Variants in MAGI1 observed in about 807,000 individuals in gnomAD.
MAGI1 encodes the protein membrane-associated guanylate kinase, WW and PDZ domain-containing protein 1.
A neutral mutation model predicts 139.9 loss-of-function variants in MAGI1; 58 were observed. The ratio of observed to expected loss-of-function variants is 0.41; its 90% CI spans 0.34 to 0.52. The LOEUF is 0.52. Ranked by LOEUF, MAGI1 falls within the 20% of genes least tolerant of loss-of-function variation. The pLI, the probability that MAGI1 is intolerant of heterozygous loss-of-function variation, is 0.12. For missense variants in MAGI1, 1,874 were observed against 1,901.6 expected (o/e 0.99, Z 0.27); for synonymous variants, 812 against 737.9 (o/e 1.10, Z -1.63).
chr3:65,796,106 G>A (rs1019362864), intron 1 of MAGI1, among the ~76,000 whole-genome samples: 4 of 151,688 alleles, frequency 2.6e-5, no homozygotes, highest in Non-Finnish European at 5.9e-5. Context: ...TCACAGGACT[G>A]CGGAGGATGG....
At chr3:65,436,900 G>C (rs944931589) in intron 10 of MAGI1, among the ~76,000 whole-genome samples, 12 of 152,050 alleles carry the variant, frequency 7.9e-5, no homozygotes, top group African/African-American at 2.7e-4. Context: ...ATTGAGAAAC[G>C]TTGGTTTGAA....
chr3:65,579,189 T>A (rs1036319652), intron 2 of MAGI1, among the ~76,000 whole-genome samples: 1 of 152,022 alleles, frequency 6.6e-6, no homozygotes, highest in African/African-American at 2.4e-5. Context: ...TACCAGCTCA[T>A]CCCAAGTATT....
At chr3:65,710,903 A>G (rs1377593817) in intron 1 of MAGI1, among the ~76,000 whole-genome samples, 1 of 151,874 alleles carries the variant, frequency 6.6e-6, no homozygotes, top group African/African-American at 2.4e-5. Flanking sequence ...CATTTCTCCA[A>G]CTGTTCCTTT....
chr3:65,688,276 T>G (rs1318396636), intron 1 of MAGI1: 1 of 844,550 alleles, frequency 1.2e-6, no homozygotes, highest in Non-Finnish European at 2.0e-6. Flanking sequence ...CATGGTGGCT[T>G]TAGGAAGATC....
intron 1 of MAGI1, among the ~76,000 whole-genome samples, chr3:65,622,485 C>T (rs568100050): frequency 1.3e-5 from 2 of 152,274 alleles, no homozygotes; most frequent in South Asian, 4.1e-4. Context: ...ACCAGGGATT[C>T]GAATGGTAGG....
At chr3:65,576,192 G>A (rs1214497362) in intron 2 of MAGI1, among the ~76,000 whole-genome samples, 4 of 152,030 alleles carry the variant, frequency 2.6e-5, no homozygotes, top group East Asian at 1.9e-4. Context: ...CATTTTTAGC[G>A]GTTTTCTGTT....
chr3:65,556,466 C>T, intron 2 of MAGI1, among the ~76,000 whole-genome samples: 1 of 152,246 alleles, frequency 6.6e-6, no homozygotes, highest in South Asian at 2.1e-4. Flanking sequence ...ATTTCATAAG[C>T]CTGGTCCGCT....
intron 1 of MAGI1, among the ~76,000 whole-genome samples, chr3:65,941,603 C>T (rs2063318476): frequency 6.6e-6 from 1 of 151,342 alleles, no homozygotes; most frequent in African/African-American, 2.4e-5. Flanking sequence ...GGGACAACAT[C>T]CCCACCCCCA....
chr3:65,435,456 C>G (rs2107376839), intron 10 of MAGI1, among the ~76,000 whole-genome samples: 1 of 138,060 alleles, frequency 7.2e-6, no homozygotes, highest in Non-Finnish European at 1.6e-5. Context: ...GTTGGCTATT[C>G]TATATGTATA....
At chr3:65,597,909 TAAAG>T (rs1390530223) in intron 2 of MAGI1, 7 of 397,502 alleles carry the variant, frequency 1.8e-5, no homozygotes, top group African/African-American at 5.4e-5. Flanking sequence ...GCAGCGGCTG[TAAAG>T]AGAGGCGGGG....
intron 1 of MAGI1, among the ~76,000 whole-genome samples, chr3:65,734,044 A>G (rs1421666636): frequency 6.6e-6 from 1 of 152,208 alleles, no homozygotes; most frequent in African/African-American, 2.4e-5. Context: ...TCTGAGGTCC[A>G]TTTATCTTTC....
chr3:65,759,640 G>T (rs775973852), intron 1 of MAGI1, among the ~76,000 whole-genome samples: 1 of 152,184 alleles, frequency 6.6e-6, no homozygotes, highest in Non-Finnish European at 1.5e-5. Context: ...CGAACAAACA[G>T]AAGTCTTGAA....
At chr3:65,377,658 T>G (rs1003142923) in intron 17 of MAGI1, among the ~76,000 whole-genome samples, 3 of 152,234 alleles carry the variant, frequency 2.0e-5, no homozygotes, top group African/African-American at 7.2e-5. Flanking sequence ...CTTCTCTTTA[T>G]TTTTATATTA....
intron 1 of MAGI1, among the ~76,000 whole-genome samples, chr3:65,672,873 G>C (rs944208729): frequency 6.6e-6 from 1 of 152,184 alleles, no homozygotes; most frequent in Non-Finnish European, 1.5e-5. Flanking sequence ...AATTCTTTAT[G>C]AGTATAAAAT....
At chr3:65,371,501 A>T (rs1459748052) in intron 18 of MAGI1, among the ~76,000 whole-genome samples, 2 of 152,184 alleles carry the variant, frequency 1.3e-5, no homozygotes, top group Non-Finnish European at 2.9e-5. Context: ...CTTGATGTTG[A>T]TGCCTGCTGA....
In MAGI1 at chr3:65,982,180, TC is replaced by T. The variant is rs1295270478; in HGVS notation, c.313+55815del. On this transcript the variant is annotated intron_variant, in intron 1 of 22. Transcript: ENST00000402939. ...AAGTGCCTGCACCTCTTGGTCGAGT[TC>T]CCTGAGCATCGGCCCTCTCCTGTGG... Among the ~76,000 whole-genome samples, 6 of 152,340 alleles carry T rather than the reference TC, an allele frequency of 3.9e-5. No homozygotes were observed. The South Asian group carries it at 1.2e-3, about 32-fold the overall frequency.
chr3:65,379,431 C>A lies in MAGI1; in HGVS notation c.2825G>T (p.Ser942Ile). Residue 942 changes from serine to isoleucine, a missense_variant, in exon 17 of 23, where the codon AGC becomes ATC. Transcript: ENST00000402939. The stretch of plus-strand genomic sequence containing the variant: ...GCCGCTGGTGCTGCCGCTGCCCGAG[C>A]TCACCGTGTTCAGCGAGTTCTGGCT... ...QGSQNSLNTV[S>I]SGSGSTSGIG... 1 of 1,613,812 alleles carries A rather than the reference C, an allele frequency of 6.2e-7. No homozygotes were observed. The highest frequency in any genetic ancestry group is 8.5e-7 in the Non-Finnish European group (1 of 1,179,784).
chr3:65,610,822 T>TATATATACAGC (rs2083035636), intron 2 of MAGI1, among the ~76,000 whole-genome samples: 1 of 138,550 alleles, frequency 7.2e-6, no homozygotes, highest in African/African-American at 2.7e-5. Flanking sequence ...TAGTATATAG[T>TATATATACAGC]ATATATACAG....
chr3:65,389,752 C>T (rs1328759044), intron 14 of MAGI1, among the ~76,000 whole-genome samples: 2 of 152,136 alleles, frequency 1.3e-5, no homozygotes, highest in Admixed American at 6.5e-5. Flanking sequence ...TCTAGTCCAG[C>T]GACTAAATAA....
Sources: gnomAD v4.1 joint callset for allele counts (sites outside exome capture counted in the v4.1 genomes callset) on GRCh38, gnomAD v4.1.1 for gene constraint, MANE v1.5 for transcripts, NCBI Gene and HGNC (gene_info 2026-07-23, HGNC 2026-07-21) for gene names.